The following SDR16C5 variants were observed in gnomAD, a reference collection of about 807,000 sequenced individuals.
SDR16C5 encodes the protein short chain dehydrogenase/reductase family 16C member 5.
A neutral mutation model predicts 27.7 loss-of-function variants in SDR16C5; 20 were observed. The observed-to-expected ratio is 0.72, with a 90% CI of 0.51 to 1.05. The LOEUF is 1.05. Ranked by LOEUF, SDR16C5 falls within the 50% of genes least tolerant of loss-of-function variation. The pLI, the probability that SDR16C5 is intolerant of heterozygous loss-of-function variation, is 0.00. For synonymous variants in SDR16C5, 139 were observed against 132.3 expected (o/e 1.05, Z -0.35); for missense variants, 374 against 366.3 (o/e 1.02, Z -0.17).
intron 2 of SDR16C5, among the ~76,000 whole-genome samples, chr8:56,314,172 A>C (rs1415943276): frequency 6.6e-6 from 1 of 151,460 alleles, no homozygotes; most frequent in Non-Finnish European, 1.5e-5. Flanking sequence ...ATGCCACTGC[A>C]CTCCAGCCTG....
At position 56,301,695 on chromosome 8, in the gene SDR16C5, T is replaced by C. The variant is rs1411068073; in HGVS notation, c.837-122A>G. 5 of 700,498 alleles carry C rather than the reference T, an allele frequency of 7.1e-6. No homozygotes were observed. The African/African-American group carries it at 8.8e-5, about 12-fold the overall frequency. 43.4% of individuals were successfully genotyped at this position (700,498 alleles called of 1,614,324 possible). On this transcript the variant is annotated intron_variant, in intron 6 of 6. Coordinates refer to ENST00000303749, the MANE Select transcript of SDR16C5 (RefSeq NM_138969.4). ...AAGTCACTCACTCATGCACACACTA[T>C]GCAGCCTGAGTGCTACCCGCCTCAG...
At chr8:56,309,221 T>C (rs997097293) in intron 3 of SDR16C5, 194 bp from the exon 4 acceptor site, 20 of 833,956 alleles carry the variant, frequency 2.4e-5, no homozygotes, top group Non-Finnish European at 2.9e-5. Context: ...CAGTTTTTTA[T>C]GGCAATTCCA....
intron 6 of SDR16C5, among the ~76,000 whole-genome samples, chr8:56,302,584 A>G (rs1379528082): frequency 1.3e-5 from 2 of 151,688 alleles, no homozygotes; most frequent in Non-Finnish European, 2.9e-5. Context: ...GAGGCAGGAG[A>G]ATCACTTGAA....
chr8:56,312,050 A>G, intron 3 of SDR16C5, 107 bp downstream of exon 3: 3 of 931,268 alleles, frequency 3.2e-6, no homozygotes, highest in Non-Finnish European at 4.9e-6. Flanking sequence ...AAAACTGAGA[A>G]GTCTCTGCTT....
Position 56,312,222 on chromosome 8 carries a change from AC to A in SDR16C5, c.399del (p.Lys133AsnfsTer16), listed in dbSNP as rs1321275186. The A allele has an allele frequency of 6.2e-7, 1 of 1,612,642 alleles. No individual in the cohort carries two copies. Among genetic ancestry groups the A allele is most frequent in the Admixed American group, 1.7e-5 (1 of 60,020 alleles). ...ATAAGCTCATCTGGACAGTCAAGGAACTTTTTGCCTGTTACGATTCCGGCAT... is the reference window on the plus strand; with the variant it reads ...ATAAGCTCATCTGGACAGTCAAGGAATTTTTGCCTGTTACGATTCCGGCAT... ...INNAGIVTGK[K>X]FLDCPDELME... On this transcript the variant is annotated frameshift_variant, in exon 3 of 7. Coordinates refer to ENST00000303749, the MANE Select transcript of SDR16C5 (RefSeq NM_138969.4). LOFTEE classifies it high-confidence loss of function.
At position 56,317,246 on chromosome 8, in the gene SDR16C5, A is replaced by C. The variant is rs114885955; in HGVS notation, c.-14-885T>G. On this transcript the variant is annotated intron_variant, in intron 1 of 6. Coordinates refer to ENST00000303749, the MANE Select transcript of SDR16C5 (RefSeq NM_138969.4). Reference sequence around the variant, plus strand: ...TTATAGTCAGTGCTTTACAGATGTTATCACATTTCTCAGATTCATAGTGCT... The same window carrying C: ...TTATAGTCAGTGCTTTACAGATGTTCTCACATTTCTCAGATTCATAGTGCT... 4.5e-3 allele frequency among the ~76,000 whole-genome samples: 679 copies of C among 152,254 alleles called. 8 individuals are homozygous for C. Among genetic ancestry groups the C allele is most frequent in the African/African-American group, 0.016 (662 of 41,532 alleles).
chr8:56,306,188 C>T (rs902858984), intron 5 of SDR16C5, among the ~76,000 whole-genome samples: 10 of 152,156 alleles, frequency 6.6e-5, no homozygotes, highest in Admixed American at 2.6e-4. Context: ...GTGGAGCCCT[C>T]ATGAATGGGA....
intron 2 of SDR16C5, among the ~76,000 whole-genome samples, chr8:56,314,780 G>C (rs1475373824): frequency 6.6e-6 from 1 of 152,204 alleles, no homozygotes; most frequent in Non-Finnish European, 1.5e-5. Flanking sequence ...GCAAACCTTA[G>C]CAAGGAAATC....
At chr8:56,309,172 C>T in intron 3 of SDR16C5, 145 bp from the exon 4 acceptor site, 2 of 929,904 alleles carry the variant, frequency 2.2e-6, no homozygotes, top group Non-Finnish European at 2.9e-6. Flanking sequence ...ACTTAAACAT[C>T]TGGAAAGTAA....
At chr8:56,309,249 T>C (rs1814963724) in intron 3 of SDR16C5, 1 of 905,102 alleles carries the variant, frequency 1.1e-6, no homozygotes, top group African/African-American at 1.8e-5. Flanking sequence ...TAAAATAATT[T>C]ATTCAGACTT....
At chr8:56,314,238 A>G (rs1188641437) in intron 2 of SDR16C5, among the ~76,000 whole-genome samples, 1 of 151,952 alleles carries the variant, frequency 6.6e-6, no homozygotes. Flanking sequence ...TTTCCTTTCT[A>G]TCCAGAATAA....
chr8:56,306,927 G>T, intron 4 of SDR16C5, 107 bp from the exon 5 acceptor site: 1 of 992,534 alleles, frequency 1.0e-6, no homozygotes, highest in Non-Finnish European at 1.4e-6. Context: ...CAATTTCAGA[G>T]TTCTCCTTTT....
At chr8:56,315,137 C>T (rs1212577655) in intron 2 of SDR16C5, among the ~76,000 whole-genome samples, 3 of 151,446 alleles carry the variant, frequency 2.0e-5, no homozygotes, top group African/African-American at 4.9e-5. Context: ...CCCAGCTACT[C>T]GGGGGGCTGA....
intron 5 of SDR16C5, 27 bp downstream of exon 5, chr8:56,306,649 T>TC: frequency 6.4e-7 from 1 of 1,553,480 alleles, no homozygotes; most frequent in South Asian, 1.2e-5. Context: ...AGAGTGTAGA[T>TC]TCTTTGAAAT....
In SDR16C5 at chr8:56,316,016, T is replaced by G. The variant is rs763432759; in HGVS notation, c.332A>C (p.Gln111Pro). 1 of 1,602,294 alleles carries G rather than the reference T, an allele frequency of 6.2e-7. No homozygotes were observed. Among genetic ancestry groups the G allele is most frequent in the Non-Finnish European group, 8.5e-7 (1 of 1,170,210 alleles). Residue 111 changes from glutamine (Q) to proline (P), a missense_variant and splice_region_variant, in exon 2 of 7, where the codon CAG becomes CCG. Gln to Pro is a moderately conservative substitution (Grantham distance 76). Coordinates refer to ENST00000303749, the MANE Select transcript of SDR16C5 (RefSeq NM_138969.4). ...TAATAGTAAACACACAAGAGTTACC[T>G]GGTCGGCTACTCTATACACTCCTTC... The part of the protein sequence containing the change: ...QKEGVYRVAD[Q>P]VKKEVGDVSI...
intron 3 of SDR16C5, among the ~76,000 whole-genome samples, chr8:56,310,029 G>A (rs1814984681): frequency 6.6e-6 from 1 of 150,818 alleles, no homozygotes; most frequent in African/African-American, 2.4e-5. Flanking sequence ...CAGCACTGAA[G>A]GAAGAGGAGG....
At chr8:56,314,549 A>G (rs1815139123) in intron 2 of SDR16C5, among the ~76,000 whole-genome samples, 1 of 152,244 alleles carries the variant, frequency 6.6e-6, no homozygotes, top group South Asian at 2.1e-4. Flanking sequence ...AATTGTAGTC[A>G]GTGTAAGTCA....
intron 1 of SDR16C5, among the ~76,000 whole-genome samples, chr8:56,319,582 C>A (rs1448868955): frequency 6.6e-6 from 1 of 152,164 alleles, no homozygotes; most frequent in Non-Finnish European, 1.5e-5. Flanking sequence ...TACCAGTGCG[C>A]GGCAGCAAGT....
At chr8:56,304,310 G>A (rs903258287) in intron 6 of SDR16C5, among the ~76,000 whole-genome samples, 1 of 152,128 alleles carries the variant, frequency 6.6e-6, no homozygotes, top group Non-Finnish European at 1.5e-5. Context: ...ATGAGGGGAA[G>A]TTCAAATGAG....
Sources: allele counts gnomAD v4.1 joint callset (sites outside exome capture counted in the v4.1 genomes callset), GRCh38; gene constraint gnomAD v4.1.1; transcripts MANE v1.5; gene names NCBI Gene and HGNC (gene_info 2026-07-23, HGNC 2026-07-21).